SUPT3H: variants seen among roughly 807,000 people sequenced by gnomAD.
SUPT3H encodes the protein transcription initiation protein SPT3 homolog.
In SUPT3H, 44 loss-of-function variants were observed where a neutral mutation model predicts 44.3. The ratio of observed to expected loss-of-function variants is 0.99; its 90% CI spans 0.78 to 1.28. The LOEUF is 1.28. Among genes scored for constraint, SUPT3H ranks in the 50% most tolerant of loss-of-function variants. The probability of loss-of-function intolerance (pLI) is 0.00; values close to 1 mark genes in which losing one functional copy is unlikely to be tolerated. For missense variants in SUPT3H, 380 were observed against 387.1 expected, an observed-to-expected ratio of 0.98 and a Z score of 0.15; for synonymous variants, 124 against 125.6, an observed-to-expected ratio of 0.99 and a Z score of 0.09.
chr6:44,996,795 C>T (rs1416107648), intron 6 of SUPT3H, among the ~76,000 whole-genome samples: 1 of 151,702 alleles, frequency 6.6e-6, no homozygotes, highest in Non-Finnish European at 1.5e-5. Context: ...AATGGTTTTA[C>T]TTTTTATACC....
intron 9 of SUPT3H, among the ~76,000 whole-genome samples, chr6:44,952,843 C>T (rs925346202): frequency 3.9e-5 from 6 of 152,126 alleles, no homozygotes; most frequent in Admixed American, 3.3e-4. Flanking sequence ...AATCTAAAAA[C>T]TCAAGATGAA....
chr6:45,210,965 C>A (rs1374904003), intron 2 of SUPT3H, among the ~76,000 whole-genome samples: 1 of 152,180 alleles, frequency 6.6e-6, no homozygotes, highest in Non-Finnish European at 1.5e-5. Flanking sequence ...AAGCTCCCAT[C>A]TGAACAAGCC....
intron 2 of SUPT3H, among the ~76,000 whole-genome samples, chr6:45,267,085 G>T (rs1222922101): frequency 6.6e-6 from 1 of 152,048 alleles, no homozygotes; most frequent in Non-Finnish European, 1.5e-5. Flanking sequence ...CATCCTCAAG[G>T]TATCTCATTA....
chr6:45,352,790 ATTCT>A (rs1308384569), intron 2 of SUPT3H, among the ~76,000 whole-genome samples: 1 of 152,102 alleles, frequency 6.6e-6, no homozygotes, highest in Non-Finnish European at 1.5e-5. Context: ...AAATACCTTT[ATTCT>A]TTATTACTTA....
intron 2 of SUPT3H, among the ~76,000 whole-genome samples, chr6:45,108,431 T>A (rs1343275683): frequency 6.6e-6 from 1 of 152,260 alleles, no homozygotes; most frequent in Non-Finnish European, 1.5e-5. Context: ...TGCATGTGCA[T>A]GTATCTTATA....
chr6:44,889,387 C>A (rs560493690), intron 10 of SUPT3H, among the ~76,000 whole-genome samples: 1 of 152,140 alleles, frequency 6.6e-6, no homozygotes, highest in Non-Finnish European at 1.5e-5. Context: ...CTACAGTAAC[C>A]AAAACAGCAT....
At chr6:45,197,956 C>G (rs1186955602) in intron 2 of SUPT3H, among the ~76,000 whole-genome samples, 1 of 151,150 alleles carries the variant, frequency 6.6e-6, no homozygotes, top group African/African-American at 2.4e-5. Context: ...CAAAAGCATT[C>G]AGATTTCTTC....
intron 2 of SUPT3H, among the ~76,000 whole-genome samples, chr6:45,185,983 C>G (rs952648774): frequency 5.9e-5 from 9 of 152,164 alleles, no homozygotes; most frequent in Non-Finnish European, 1.2e-4. Context: ...TCCCCTCCTA[C>G]TCCTGTAGCA....
chr6:45,205,810 C>CA (rs544473552), intron 2 of SUPT3H, among the ~76,000 whole-genome samples: 43 of 139,142 alleles, frequency 3.1e-4, no homozygotes, highest in South Asian at 1.8e-3. Context: ...AAAAACAAAA[C>CA]AAAAAAAAAA....
chr6:44,884,389 C>T (rs1041913925), intron 10 of SUPT3H, among the ~76,000 whole-genome samples: 9 of 152,140 alleles, frequency 5.9e-5, no homozygotes, highest in Non-Finnish European at 8.8e-5. Context: ...AATAGGAACG[C>T]TTTTACACCG....
intron 3 of SUPT3H, among the ~76,000 whole-genome samples, chr6:45,024,596 T>C (rs1785663663): frequency 6.6e-6 from 1 of 152,216 alleles, no homozygotes; most frequent in Non-Finnish European, 1.5e-5. Flanking sequence ...TAATTCTACA[T>C]TTAGGCTCCA....
At chr6:45,058,149 T>G (rs1791430031) in intron 3 of SUPT3H, among the ~76,000 whole-genome samples, 1 of 152,084 alleles carries the variant, frequency 6.6e-6, no homozygotes, top group Non-Finnish European at 1.5e-5. Flanking sequence ...TTTAAACTCC[T>G]TATTATTGGA....
Position 44,827,168 on chromosome 6 carries a change from C to A in SUPT3H, c.*2648G>T, listed in dbSNP as rs539997327. Among the ~76,000 whole-genome samples the A allele has an allele frequency of 2.6e-5, 4 of 152,128 alleles. No homozygotes were observed. The highest frequency in any genetic ancestry group is 9.6e-5 in the African/African-American group (4 of 41,548). On this transcript the variant is annotated 3_prime_UTR_variant, in exon 11 of 11. Transcript: ENST00000371459. ...ACAAGGGACAAAAAATAGAAACTAG[C>A]TTTGTATATTTCCATTTGACTTAGA... is the stretch of plus-strand genomic sequence containing the variant.
intron 2 of SUPT3H, among the ~76,000 whole-genome samples, chr6:45,224,875 A>C (rs1341649006): frequency 6.6e-6 from 1 of 152,128 alleles, no homozygotes; most frequent in Non-Finnish European, 1.5e-5. Flanking sequence ...ATTTATTATA[A>C]TATCTATCAT....
At chr6:45,128,776 C>G (rs1224370812) in intron 2 of SUPT3H, among the ~76,000 whole-genome samples, 2 of 150,752 alleles carry the variant, frequency 1.3e-5, no homozygotes, top group Admixed American at 1.3e-4. Context: ...ACCTCTACCT[C>G]CTGGGTTCAA....
chr6:45,225,860 A>G (rs2153637561), intron 2 of SUPT3H, among the ~76,000 whole-genome samples: 1 of 152,334 alleles, frequency 6.6e-6, no homozygotes, highest in East Asian at 1.9e-4. Context: ...ACATGGTTGT[A>G]GTAATTTATC....
intron 4 of SUPT3H, among the ~76,000 whole-genome samples, chr6:45,017,303 C>T (rs1190422972): frequency 4.7e-5 from 7 of 149,496 alleles, no homozygotes; most frequent in African/African-American, 7.4e-5. Flanking sequence ...GTTGCCTGTT[C>T]ACTCTGATGG....
At chr6:45,070,605 G>A (rs1794213094) in intron 3 of SUPT3H, among the ~76,000 whole-genome samples, 1 of 151,946 alleles carries the variant, frequency 6.6e-6, no homozygotes. Context: ...GCCGGGCATG[G>A]CAGCACGCGC....
intron 2 of SUPT3H, among the ~76,000 whole-genome samples, chr6:45,306,556 AG>A: frequency 6.6e-6 from 1 of 152,338 alleles, no homozygotes; most frequent in African/African-American, 2.4e-5. Flanking sequence ...AAAGTCTGCA[AG>A]GGGTGACTAC....
Sources: allele counts gnomAD v4.1 joint callset (sites outside exome capture counted in the v4.1 genomes callset), GRCh38; gene constraint gnomAD v4.1.1; transcripts MANE v1.5; gene names NCBI Gene and HGNC (gene_info 2026-07-23, HGNC 2026-07-21).